Variants in SLC44A5 observed in about 807,000 individuals in gnomAD.
SLC44A5 encodes the protein choline transporter-like protein 5.
In SLC44A5, 57 loss-of-function variants were observed where a neutral mutation model predicts 101.8. The observed-to-expected ratio is 0.56, with a 90% confidence interval of 0.45 to 0.70. The LOEUF (loss-of-function observed/expected upper bound fraction) is 0.70, where lower values mean the gene tolerates loss of function less well. Ranked by LOEUF, SLC44A5 falls within the 30% of genes least tolerant of loss-of-function variation. The pLI is 0.00. For synonymous variants in SLC44A5, 281 were observed against 290.9 expected (o/e 0.97, Z 0.35); for missense variants, 737 against 853.1 (o/e 0.86, Z 1.70).
the SLC44A5 span, among the ~76,000 whole-genome samples, chr1:75,638,575 T>C: frequency 6.6e-6 from 1 of 152,000 alleles, no homozygotes; most frequent in Non-Finnish European, 1.5e-5. Context: ...GAGACAGCAA[T>C]TGAATATACT....
chr1:75,358,790 A>C (rs1659270206), intron 3 of SLC44A5, among the ~76,000 whole-genome samples: 1 of 152,236 alleles, frequency 6.6e-6, no homozygotes, highest in African/African-American at 2.4e-5. Flanking sequence ...TATACAATGT[A>C]GAATGATTCA....
intron 4 of SLC44A5, among the ~76,000 whole-genome samples, chr1:75,317,088 A>G (rs995163758): frequency 5.9e-5 from 9 of 152,262 alleles, no homozygotes; most frequent in African/African-American, 2.2e-4. Context: ...ACTTCAAGTG[A>G]GCACTTAGGA....
chr1:75,362,382 T>G (rs1448363257), intron 3 of SLC44A5, among the ~76,000 whole-genome samples: 1 of 152,022 alleles, frequency 6.6e-6, no homozygotes, highest in Non-Finnish European at 1.5e-5. Flanking sequence ...AGATGTTAGA[T>G]TGTTTATTTG....
the SLC44A5 span, among the ~76,000 whole-genome samples, chr1:75,702,600 C>A: frequency 1.3e-5 from 2 of 152,104 alleles, no homozygotes; most frequent in Non-Finnish European, 2.9e-5. Context: ...TAGGCATGGG[C>A]GAGGACTTCA....
chr1:75,412,849 A>G (rs912234663), intron 2 of SLC44A5, among the ~76,000 whole-genome samples: 2 of 152,126 alleles, frequency 1.3e-5, no homozygotes, highest in Non-Finnish European at 2.9e-5. Flanking sequence ...CATCATCATC[A>G]TCTGCTCCTG....
the SLC44A5 span, among the ~76,000 whole-genome samples, chr1:75,659,938 C>T: frequency 6.6e-6 from 1 of 152,048 alleles, no homozygotes; most frequent in African/African-American, 2.4e-5. Flanking sequence ...TGTAATATAT[C>T]AGATTAATAG....
At chr1:75,662,434 G>A in the SLC44A5 span, among the ~76,000 whole-genome samples, 46 of 151,946 alleles carry the variant, frequency 3.0e-4, no homozygotes, top group African/African-American at 1.1e-3. Flanking sequence ...TAAGTTCTAG[G>A]GCTCAATAGC....
rs181719252 is a variant in SLC44A5 at position 75,341,828 on chromosome 1, A to G, written c.53-2198T>C. 9.2e-5 allele frequency among the ~76,000 whole-genome samples: 14 copies of G among 152,270 alleles called. No individual in the cohort carries two copies. In the East Asian group the frequency reaches 1.5e-3, roughly 17 times the overall value. ...TTTCAGTTCCCTAATCTGTCTGAAT[A>G]GCTGAAATAGCTCAAAAACTTTTAG... On this transcript the variant is annotated intron_variant, in intron 3 of 23. Coordinates refer to ENST00000370859, the MANE Select transcript of SLC44A5 (RefSeq NM_001130058.2).
At chr1:75,433,589 T>C (rs1416223387) in intron 2 of SLC44A5, among the ~76,000 whole-genome samples, 2 of 152,202 alleles carry the variant, frequency 1.3e-5, no homozygotes, top group Non-Finnish European at 2.9e-5. Context: ...CTACCTTCTC[T>C]GGCAGCCTCT....
the SLC44A5 span, among the ~76,000 whole-genome samples, chr1:75,694,057 T>G: frequency 1.3e-5 from 2 of 151,200 alleles, no homozygotes; most frequent in Admixed American, 1.3e-4. Context: ...GTTGAGTTTT[T>G]TTAAAGATGA....
At chr1:75,281,111 A>C (rs928299360) in intron 5 of SLC44A5, among the ~76,000 whole-genome samples, 3 of 152,150 alleles carry the variant, frequency 2.0e-5, no homozygotes, top group African/African-American at 7.2e-5. Flanking sequence ...AGGGCTCAGA[A>C]GACAGGTAGA....
chr1:75,499,318 C>T (rs1398388512), intron 2 of SLC44A5, among the ~76,000 whole-genome samples: 1 of 152,146 alleles, frequency 6.6e-6, no homozygotes, highest in African/African-American at 2.4e-5. Context: ...ATAAGGTGCA[C>T]ACAACATAGA....
At chr1:75,488,047 C>G (rs1358944628) in intron 2 of SLC44A5, among the ~76,000 whole-genome samples, 1 of 151,712 alleles carries the variant, frequency 6.6e-6, no homozygotes, top group Non-Finnish European at 1.5e-5. Context: ...TTATGAGAAT[C>G]TAATGCCTGA....
At chr1:75,681,166 C>A in the SLC44A5 span, among the ~76,000 whole-genome samples, 1 of 151,996 alleles carries the variant, frequency 6.6e-6, no homozygotes, top group East Asian at 1.9e-4. Flanking sequence ...GATTCACAGC[C>A]GAATTCTACC....
intron 1 of SLC44A5, among the ~76,000 whole-genome samples, chr1:75,603,633 G>T (rs1294037333): frequency 1.3e-5 from 2 of 151,358 alleles, no homozygotes; most frequent in African/African-American, 4.9e-5. Flanking sequence ...CCATTTCTCT[G>T]CAGCCTCACC....
intron 3 of SLC44A5, among the ~76,000 whole-genome samples, chr1:75,348,726 G>C (rs1394298201): frequency 6.6e-6 from 1 of 152,040 alleles, no homozygotes; most frequent in African/African-American, 2.4e-5. Context: ...GAAAGAACTA[G>C]ATCATTAGCA....
chr1:75,495,347 T>G (rs1668615670), intron 2 of SLC44A5, among the ~76,000 whole-genome samples: 1 of 151,686 alleles, frequency 6.6e-6, no homozygotes, highest in South Asian at 2.1e-4. Context: ...CCTAGCTACT[T>G]GGGAGGCTGA....
At chr1:75,692,634 A>T in the SLC44A5 span, among the ~76,000 whole-genome samples, 137,988 of 152,164 alleles carry the variant, frequency 0.91, 62,772 homozygotes, top group Middle Eastern at 0.94. Flanking sequence ...TGAGAGCAGG[A>T]GATAGTCCTC....
At chr1:75,621,572 A>G in the SLC44A5 span, among the ~76,000 whole-genome samples, 1 of 152,154 alleles carries the variant, frequency 6.6e-6, no homozygotes, top group South Asian at 2.1e-4. Flanking sequence ...TTTGACTGAA[A>G]TATTTTACAT....
Sources: allele counts gnomAD v4.1 joint callset (sites outside exome capture counted in the v4.1 genomes callset), GRCh38; gene constraint gnomAD v4.1.1; transcripts MANE v1.5; gene names NCBI Gene and HGNC (gene_info 2026-07-23, HGNC 2026-07-21).